Variants in CNTLN observed in about 807,000 individuals in gnomAD.
CNTLN encodes the protein centlein, centrosomal protein.
CNTLN carries 212 observed loss-of-function variants against 180.0 expected under a neutral mutation model. The observed-to-expected ratio is 1.18, with a 90% confidence interval of 1.05 to 1.32. CNTLN has a LOEUF of 1.32. CNTLN is among the 40% of genes most tolerant of loss of function. The pLI is 0.00. For missense variants in CNTLN, 2,095 were observed against 1,610.9 expected, an observed-to-expected ratio of 1.30 and a Z score of -5.14; for synonymous variants, 722 against 563.1, an observed-to-expected ratio of 1.28 and a Z score of -3.99.
chr9:17,498,554 C>A lies in CNTLN; in HGVS notation c.4120-3997C>A, dbSNP rs7848597. Among the ~76,000 whole-genome samples the A allele has an allele frequency of 5.3e-3, 810 of 152,172 alleles. 7 individuals carry two copies. The highest frequency in any genetic ancestry group is 0.018 in the African/African-American group (750 of 41,518). On this transcript the variant is annotated intron_variant, in intron 25 of 25. Transcript: ENST00000380647. ...ATCTGCCTTAAGACTACCTATAGAC[C>A]GAGGCAAACTTTGTCAGATATCCCC...
intron 2 of CNTLN, among the ~76,000 whole-genome samples, chr9:17,191,553 A>G (rs562871977): frequency 2.0e-4 from 30 of 152,302 alleles, no homozygotes; most frequent in African/African-American, 7.0e-4. Flanking sequence ...TTAAGATCCT[A>G]ACTAATTTCT....
chr9:17,482,812 A>C (rs1832717590), intron 23 of CNTLN, among the ~76,000 whole-genome samples: 1 of 152,202 alleles, frequency 6.6e-6, no homozygotes, highest in African/African-American at 2.4e-5. Flanking sequence ...AACCACTTGG[A>C]GAAAGATGGA....
Position 17,366,635 on chromosome 9 carries a change from A to T in CNTLN, c.1905A>T (p.Glu635Asp), listed in dbSNP as rs757182591. The part of the protein sequence containing the change: ...LMIQKMNLEE[E>D]LDELKVHISI... The stretch of plus-strand genomic sequence containing the variant: ...TTCATAGGATGAATCTTGAAGAAGA[A>T]TTAGATGAACTTAAAGTACATATAT... The change falls in exon 13 of 26, where the codon GAA (glutamate) becomes GAT (aspartate). Residue 635 changes from glutamate to aspartate, a missense_variant. Transcript: ENST00000380647. 1.3e-6 allele frequency: 2 copies of T among 1,534,788 alleles called. No homozygotes were observed. The highest frequency in any genetic ancestry group is 9.0e-7 in the Non-Finnish European group (1 of 1,115,554).
At chr9:17,401,967 C>T (rs573955144) in intron 15 of CNTLN, among the ~76,000 whole-genome samples, 15 of 151,654 alleles carry the variant, frequency 9.9e-5, no homozygotes, top group Non-Finnish European at 2.1e-4. Flanking sequence ...TATAAAAAGA[C>T]GCATCAATAG....
At chr9:17,203,466 C>G (rs1822692304) in intron 2 of CNTLN, among the ~76,000 whole-genome samples, 3 of 152,164 alleles carry the variant, frequency 2.0e-5, no homozygotes, top group Admixed American at 6.5e-5. Context: ...TTACGGTACA[C>G]CAATCATTCG....
At chr9:17,201,993 A>G (rs1208278666) in intron 2 of CNTLN, among the ~76,000 whole-genome samples, 1 of 152,088 alleles carries the variant, frequency 6.6e-6, no homozygotes, top group East Asian at 1.9e-4. Flanking sequence ...TTTCCTTCTT[A>G]ACACTGCTTT....
rs564774979 is a variant in CNTLN, at chr9:17,222,259, C to T, written c.450-3944C>T. Among the ~76,000 whole-genome samples the T allele has an allele frequency of 8.0e-4, 121 of 152,196 alleles. 1 individual carries two copies. The highest frequency in any genetic ancestry group is 2.8e-3 in the African/African-American group (117 of 41,548). On this transcript the variant is annotated intron_variant, in intron 2 of 25. Transcript: ENST00000380647. ...TGTTTTTCTTTCTCACTTGAACTCA[C>T]TCTAATTAGGCTTTGTAATCACCAT...
chr9:17,388,035 A>G (rs1481190630), intron 13 of CNTLN, 127 bp from the exon 14 acceptor site: 2 of 498,676 alleles, frequency 4.0e-6, no homozygotes, highest in African/African-American at 3.9e-5. Context: ...TACTGGCCAA[A>G]TACTTGACAA....
intron 2 of CNTLN, among the ~76,000 whole-genome samples, chr9:17,186,757 A>G (rs1821457682): frequency 6.6e-6 from 1 of 152,192 alleles, no homozygotes; most frequent in East Asian, 1.9e-4. Flanking sequence ...ATGTTTCAGA[A>G]TATCATTTGA....
At chr9:17,267,226 C>G (rs1227629839) in intron 5 of CNTLN, among the ~76,000 whole-genome samples, 1 of 152,036 alleles carries the variant, frequency 6.6e-6, no homozygotes, top group Non-Finnish European at 1.5e-5. Context: ...TCTTTTAGGG[C>G]AGGCCTGGTG....
chr9:17,508,080 T>A (rs1833965384), downstream of CNTLN, among the ~76,000 whole-genome samples: 1 of 152,146 alleles, frequency 6.6e-6, no homozygotes, highest in Non-Finnish European at 1.5e-5. Flanking sequence ...GGGTTCATGC[T>A]CCACCCTGTA....
At chr9:17,367,016 C>G (rs571676242) in intron 13 of CNTLN, among the ~76,000 whole-genome samples, 1 of 152,228 alleles carries the variant, frequency 6.6e-6, no homozygotes, top group South Asian at 2.1e-4. Context: ...AAAAAAAACA[C>G]CTACATAAGA....
At chr9:17,439,601 GA>G (rs1829989298) in intron 18 of CNTLN, among the ~76,000 whole-genome samples, 1 of 152,190 alleles carries the variant, frequency 6.6e-6, no homozygotes, top group Non-Finnish European at 1.5e-5. Context: ...AAGATTAGAA[GA>G]AGTCTAAGAA....
chr9:17,376,423 C>CT (rs1043581112), intron 13 of CNTLN, among the ~76,000 whole-genome samples: 9 of 151,408 alleles, frequency 5.9e-5, no homozygotes, highest in South Asian at 4.2e-4. Flanking sequence ...ATAACCATCT[C>CT]TTTTTTTTCT....
chr9:17,430,251 G>A (rs991060563), intron 18 of CNTLN, among the ~76,000 whole-genome samples: 7 of 151,808 alleles, frequency 4.6e-5, no homozygotes, highest in Non-Finnish European at 7.4e-5. Flanking sequence ...GTTCCAGTCC[G>A]TGTTATCATA....
At chr9:17,287,693 T>C (rs890637230) in intron 6 of CNTLN, among the ~76,000 whole-genome samples, 56 of 146,876 alleles carry the variant, frequency 3.8e-4, no homozygotes, top group Admixed American at 3.0e-3. Context: ...GCTCCTGTTA[T>C]TGGTCTATTC....
chr9:17,480,898 A>G (rs1832607542), intron 23 of CNTLN, among the ~76,000 whole-genome samples: 1 of 152,230 alleles, frequency 6.6e-6, no homozygotes. Flanking sequence ...AATGAAGTGT[A>G]ATCAAGGAGA....
intron 2 of CNTLN, among the ~76,000 whole-genome samples, chr9:17,189,859 C>T (rs993658049): frequency 2.2e-4 from 34 of 152,000 alleles, no homozygotes; most frequent in Admixed American, 7.9e-4. Flanking sequence ...TTCACTCTGA[C>T]TGATGGGAAC....
intron 23 of CNTLN, among the ~76,000 whole-genome samples, chr9:17,467,862 C>T (rs1354087741): frequency 6.6e-6 from 1 of 151,674 alleles, no homozygotes; most frequent in Non-Finnish European, 1.5e-5. Context: ...AACAGAACTA[C>T]CATTTGACCC....
Sources: allele counts gnomAD v4.1 joint callset (sites outside exome capture counted in the v4.1 genomes callset), GRCh38; gene constraint gnomAD v4.1.1; transcripts MANE v1.5; gene names NCBI Gene and HGNC (gene_info 2026-07-23, HGNC 2026-07-21).